Variants in PAX1 observed in about 807,000 individuals in gnomAD.
The protein encoded by PAX1 is paired box protein Pax-1.
Under a neutral mutation model 35.6 loss-of-function variants are expected in PAX1, and 18 were observed. That is an observed-to-expected ratio of 0.50 (90% CI 0.35 to 0.75). PAX1 has a LOEUF of 0.75. PAX1 is among the 30% of genes least tolerant of loss of function. The pLI, the probability that PAX1 is intolerant of heterozygous loss-of-function variation, is 0.01. For synonymous variants in PAX1, 397 were observed against 305.2 expected (o/e 1.30, Z -3.14); for missense variants, 760 against 661.5 (o/e 1.15, Z -1.63).
intron 4 of PAX1, among the ~76,000 whole-genome samples, chr20:21,713,586 G>T (rs985082769): frequency 2.0e-5 from 3 of 152,168 alleles, no homozygotes; most frequent in South Asian, 2.1e-4. Flanking sequence ...TTGAAAATAG[G>T]CCCCTGTAGG....
Position 21,715,015 on chromosome 20 carries a change from C to T in PAX1, c.*453C>T, listed in dbSNP as rs1043274425. 1.6e-6 allele frequency: 1 copy of T among 631,662 alleles called. No homozygotes were observed. The highest frequency in any genetic ancestry group is 2.7e-5 in the East Asian group (1 of 36,614). The allele number at this position is 631,662 out of a possible 1,614,324, so 39.1% of individuals were successfully genotyped here. ...CGGCTTTCCCCGACCTTCCAGGGCT[C>T]CCTCTGCCCTTCCACTCTCTTTTCC... On this transcript the variant is annotated 3_prime_UTR_variant, in exon 5 of 5. Coordinates refer to ENST00000613128, the MANE Select transcript of PAX1 (RefSeq NM_001257096.2).
chr20:21,706,787 T>C lies in PAX1; in HGVS notation c.636T>C (p.Pro212=). ...ADGVCDKYNV[P]SVSSISRILR... ...GCGTCTGTGACAAGTACAATGTGCC[T>C]TCGGTGAGCTCCATCAGCCGCATCC... The change falls in exon 2 of 5, where the codon CCT becomes CCC. Residue 212 remains proline (P), a synonymous_variant. Transcript: ENST00000613128. The surrounding 1 kb of genome is among the most constrained non-coding windows in gnomAD (Gnocchi z 5.3). The C allele has an allele frequency of 6.2e-7, 1 of 1,613,504 alleles. No homozygotes were observed. The highest frequency in any genetic ancestry group is 8.5e-7 in the Non-Finnish European group (1 of 1,180,028).
At position 21,705,935 on chromosome 20, in the gene PAX1, G is replaced by A. The variant is rs1415789289; in HGVS notation, c.223G>A (p.Gly75Arg). Residue 75 changes from glycine to arginine, a missense_variant, in exon 1 of 5, where the codon GGG becomes AGG. Physicochemically the swap from Gly to Arg is moderately radical, Grantham distance 125. Transcript: ENST00000613128. ...CGCCCAAGCTCTCCCGGACTGCGCC[G>A]GGCCCAGCCCCGGCCACCCCGGCCA... is the stretch of plus-strand genomic sequence containing the variant. ...GGAQALPDCA[G>R]PSPGHPGHPG... The A allele has an allele frequency of 1.4e-6, 2 of 1,474,048 alleles. No homozygotes were observed. Among genetic ancestry groups the A allele is most frequent in the South Asian group, 1.3e-5 (1 of 76,832 alleles). 91.3% of individuals were successfully genotyped at this position (1,474,048 alleles called of 1,614,324 possible). A position where few individuals can be genotyped will look rare whatever the true frequency, so the allele number is the denominator to read the frequency against.
In PAX1 at chr20:21,708,623, C is replaced by T. The variant is rs760037332; in HGVS notation, c.982C>T (p.Arg328Cys). Residue 328 changes from arginine to cysteine, a missense_variant, in exon 3 of 5, where the codon CGC becomes TGC. By Grantham distance (180) the Arg-to-Cys change is radical. This residue lies in a region of PAX1 where 490 missense variants were observed against 428.4 expected (regional missense o/e 1.14). Transcript: ENST00000613128. ...PKMEDWAGVN[R>C]TAFPATPAVN... ...GATGGAAGACTGGGCCGGCGTGAACCGCACGGCCTTCCCCGCCACCCCCGC... is the reference window on the plus strand; with the variant it reads ...GATGGAAGACTGGGCCGGCGTGAACTGCACGGCCTTCCCCGCCACCCCCGC... The T allele has an allele frequency of 6.2e-7, 1 of 1,613,444 alleles. No homozygotes were observed. The highest frequency in any genetic ancestry group is 1.7e-5 in the Admixed American group (1 of 60,026).
chr20:21,711,569 A>G (rs1230555080), intron 4 of PAX1, among the ~76,000 whole-genome samples: 2 of 152,184 alleles, frequency 1.3e-5, no homozygotes, highest in African/African-American at 4.8e-5. Context: ...ATAATTTGTT[A>G]CTCTAGTTAT....
At chr20:21,712,801 C>CCCGGCCTCCGTT (rs1402712772) in intron 4 of PAX1, among the ~76,000 whole-genome samples, 2 of 152,202 alleles carry the variant, frequency 1.3e-5, no homozygotes, top group Non-Finnish European at 2.9e-5. Flanking sequence ...CGCTGGCAAC[C>CCCGGCCTCCGTT]CCGGCCTCCG....
In PAX1 at chr20:21,714,495, C is replaced by T; in HGVS notation, c.1307C>T (p.Ser436Phe). 6.3e-7 allele frequency: 1 copy of T among 1,589,994 alleles called. No homozygotes were observed. Among genetic ancestry groups the T allele is most frequent in the East Asian group, 2.3e-5 (1 of 43,496 alleles). The change falls in exon 5 of 5, where the codon TCC becomes TTC. Residue 436 changes from serine to phenylalanine, a missense_variant. Physicochemically the swap from Ser to Phe is radical, Grantham distance 155 (BLOSUM62 -2). Coordinates refer to ENST00000613128, the MANE Select transcript of PAX1 (RefSeq NM_001257096.2). ...GTGGCTGACAGGAAGCCTCCCAGCT[C>T]CGGCAGCAAGGCCCCGGACGCCCTC... Reference protein sequence around the residue: ...REVADRKPPSSGSKAPDALSS... With the variant: ...REVADRKPPSFGSKAPDALSS...
Position 21,714,946 on chromosome 20 carries a change from C to G in PAX1, c.*384C>G, listed in dbSNP as rs1234926094. 12 of 749,382 alleles carry G rather than the reference C, an allele frequency of 1.6e-5. No individual in the cohort carries two copies. The highest frequency in any genetic ancestry group is 2.5e-5 in the Non-Finnish European group (11 of 432,556). 46.4% of individuals were successfully genotyped at this position (749,382 alleles called of 1,614,324 possible). A position where few individuals can be genotyped will look rare whatever the true frequency, so the allele number is the denominator to read the frequency against. On this transcript the variant is annotated 3_prime_UTR_variant, in exon 5 of 5. Transcript: ENST00000613128. ...TTCCCCCCTCTTTCTTTCTCACTCT[C>G]CCTCCCTTCCCTTTCTCTTTCCCTT...
chr20:21,709,028 T>G (rs751140120), intron 3 of PAX1, among the ~76,000 whole-genome samples, 194 bp from the exon 4 acceptor site: 70 of 152,190 alleles, frequency 4.6e-4, no homozygotes, highest in Non-Finnish European at 8.4e-4. Flanking sequence ...TTGTAACAGT[T>G]TGAGTGAATT....
Position 21,706,908 on chromosome 20 carries a change from C to G in PAX1, c.757C>G (p.Gln253Glu). The part of the protein sequence containing the change: ...QPTLPYNHIY[Q>E]YPYPSPVSPT... Reference sequence around the variant, plus strand: ...TACGCTGCCCTACAACCACATCTACCAGTACCCCTACCCCAGTCCCGTGTC... The same window carrying G: ...TACGCTGCCCTACAACCACATCTACGAGTACCCCTACCCCAGTCCCGTGTC... The change falls in exon 2 of 5, where the codon CAG becomes GAG. Residue 253 changes from glutamine to glutamate, a missense_variant. By Grantham distance (29) the Gln-to-Glu change is conservative (BLOSUM62 2). This residue lies in a region of PAX1 where 490 missense variants were observed against 428.4 expected (regional missense o/e 1.14). Coordinates refer to ENST00000613128, the MANE Select transcript of PAX1 (RefSeq NM_001257096.2). The surrounding 1 kb of genome is among the most constrained non-coding windows in gnomAD (Gnocchi z 5.3). The G allele has an allele frequency of 6.2e-7, 1 of 1,613,350 alleles. No individual in the cohort carries two copies. Among genetic ancestry groups the G allele is most frequent in the Non-Finnish European group, 8.5e-7 (1 of 1,179,968 alleles).
At chr20:21,711,336 T>A (rs980901413) in intron 4 of PAX1, among the ~76,000 whole-genome samples, 1 of 152,244 alleles carries the variant, frequency 6.6e-6, no homozygotes, top group Non-Finnish European at 1.5e-5. Flanking sequence ...AAGCCAAAGG[T>A]AACACACACA....
chr20:21,709,091 C>T (rs1985109215), intron 3 of PAX1, 131 bp from the exon 4 acceptor site: 1 of 796,854 alleles, frequency 1.3e-6, no homozygotes, highest in African/African-American at 1.7e-5. Flanking sequence ...GAGGCCAGGC[C>T]TCGCATGGGG....
chr20:21,711,302 C>T lies in PAX1; in HGVS notation c.1282+1858C>T, dbSNP rs559559288. Among the ~76,000 whole-genome samples, 4 of 152,354 alleles carry T rather than the reference C, an allele frequency of 2.6e-5. No homozygotes were observed. In the East Asian group the frequency reaches 7.7e-4, roughly 29 times the overall value. ...GAGGCATTTTAAGCTCTACATTAGA[C>T]ACAAATTATAAAGTGCAGATAATAA... On this transcript the variant is annotated intron_variant, in intron 4 of 4. Coordinates refer to ENST00000613128, the MANE Select transcript of PAX1 (RefSeq NM_001257096.2).
Position 21,714,510 on chromosome 20 carries a change from C to G in PAX1, c.1322C>G (p.Pro441Arg). Reference sequence around the variant, plus strand: ...CCTCCCAGCTCCGGCAGCAAGGCCCCGGACGCCCTCAGTAGCTTACACGGA... The same window carrying G: ...CCTCCCAGCTCCGGCAGCAAGGCCCGGGACGCCCTCAGTAGCTTACACGGA... Reference protein sequence around the residue: ...RKPPSSGSKAPDALSSLHGLP... With the variant: ...RKPPSSGSKARDALSSLHGLP... Residue 441 changes from proline to arginine, a missense_variant, in exon 5 of 5, where the codon CCG (proline) becomes CGG (arginine). By Grantham distance (103) the Pro-to-Arg change is moderately radical (BLOSUM62 -2). Around this residue, in one of 3 missense-constraint regions of PAX1, gnomAD observed 490 missense variants for 428.4 expected, o/e 1.14. Transcript: ENST00000613128. 1 of 1,594,200 alleles carries G rather than the reference C, an allele frequency of 6.3e-7. No individual in the cohort carries two copies. Among genetic ancestry groups the G allele is most frequent in the South Asian group, 1.1e-5 (1 of 88,072 alleles).
rs1307172789 is a variant in PAX1, at chr20:21,706,440, C to G, written c.289C>G (p.Gln97Glu). Residue 97 changes from glutamine to glutamate, a missense_variant and splice_region_variant, in exon 2 of 5, where the codon CAG becomes GAG. Transcript: ENST00000613128. The surrounding 1 kb of genome is among the most constrained non-coding windows in gnomAD (Gnocchi z 5.3). Reference sequence around the variant, plus strand: ...ACTCTTGTCTGGCGCATCCGCAGAGCAGACGTATGGCGAGGTGAACCAGCT... The same window carrying G: ...ACTCTTGTCTGGCGCATCCGCAGAGGAGACGTATGGCGAGGTGAACCAGCT... ...RQLAGPLAMEQTYGEVNQLGG... is the reference protein window; with the variant it reads ...RQLAGPLAMEETYGEVNQLGG... 1 of 1,611,492 alleles carries G rather than the reference C, an allele frequency of 6.2e-7. No individual in the cohort carries two copies. The highest frequency in any genetic ancestry group is 2.2e-5 in the East Asian group (1 of 44,814).
intron 2 of PAX1, 156 bp from the exon 3 acceptor site, chr20:21,708,402 A>G: frequency 1.2e-6 from 1 of 866,938 alleles, no homozygotes; most frequent in Admixed American, 1.7e-5. Context: ...AGTGGTGAAC[A>G]TTCCAGTCCC....
chr20:21,711,306 A>C (rs925429672), intron 4 of PAX1, among the ~76,000 whole-genome samples: 21 of 152,234 alleles, frequency 1.4e-4, no homozygotes, highest in African/African-American at 5.1e-4. Context: ...ATTAGACACA[A>C]ATTATAAAGT....
intron 3 of PAX1, 78 bp downstream of exon 3, chr20:21,708,778 A>T (rs1295795025): frequency 1.3e-6 from 2 of 1,484,454 alleles, no homozygotes; most frequent in Non-Finnish European, 1.9e-6. Context: ...AAGAGAGAGA[A>T]AGAAAAGAAA....
Position 21,706,230 on chromosome 20 carries a change from C to G in PAX1, c.287-208C>G, listed in dbSNP as rs765912999. 1 of 791,480 alleles carries G rather than the reference C, an allele frequency of 1.3e-6. No individual in the cohort carries two copies. Among genetic ancestry groups the G allele is most frequent in the East Asian group, 2.7e-5 (1 of 37,606 alleles). 49.0% of individuals were successfully genotyped at this position (791,480 alleles called of 1,614,324 possible). A position where few individuals can be genotyped will look rare whatever the true frequency, so the allele number is the denominator to read the frequency against. On this transcript the variant is annotated intron_variant, in intron 1 of 4. Coordinates refer to ENST00000613128, the MANE Select transcript of PAX1 (RefSeq NM_001257096.2). This position sits in a 1 kb window ranked among gnomAD's most constrained non-coding sequence, Gnocchi z 5.3. ...AAGGGCACGGAGGGCTACAATGCGC[C>G]GCGCTCCACTCCGCGGCTCCTCTGC...
Sources: allele counts gnomAD v4.1 joint callset (sites outside exome capture counted in the v4.1 genomes callset), GRCh38; gene constraint gnomAD v4.1.1; regional missense constraint gnomAD v4.1.1; non-coding constraint Gnocchi (gnomAD v3.1); transcripts MANE v1.5; gene names NCBI Gene and HGNC (gene_info 2026-07-23, HGNC 2026-07-21).